PLCB1: variants seen among roughly 807,000 people sequenced by gnomAD.
PLCB1 encodes the protein 1-phosphatidylinositol 4,5-bisphosphate phosphodiesterase beta-1.
PLCB1 carries 46 observed loss-of-function variants against 161.8 expected under a neutral mutation model. That is an observed-to-expected ratio of 0.28 (90% confidence interval 0.22 to 0.36). PLCB1 has a LOEUF of 0.36. Among genes scored for constraint, PLCB1 ranks in the 10% least tolerant of loss-of-function variants. PLCB1 has a pLI of 1.00. For synonymous variants in PLCB1, 517 were observed against 503.7 expected, an observed-to-expected ratio of 1.03 and a Z score of -0.35; for missense variants, 1,016 against 1,472.5, an observed-to-expected ratio of 0.69 and a Z score of 5.07.
At chr20:8,705,159 T>C (rs927026564) in intron 11 of PLCB1, among the ~76,000 whole-genome samples, 1 of 151,830 alleles carries the variant, frequency 6.6e-6, no homozygotes, top group African/African-American at 2.4e-5. Flanking sequence ...CATGACCCAG[T>C]CAAGTTGACA....
At chr20:8,471,724 A>G (rs915530234) in intron 3 of PLCB1, among the ~76,000 whole-genome samples, 1 of 152,142 alleles carries the variant, frequency 6.6e-6, no homozygotes, top group Non-Finnish European at 1.5e-5. Flanking sequence ...TATTTCAAAG[A>G]GCTCTAAATT....
chr20:8,288,361 C>T (rs1983223752), intron 2 of PLCB1, among the ~76,000 whole-genome samples: 1 of 152,100 alleles, frequency 6.6e-6, no homozygotes, highest in Non-Finnish European at 1.5e-5. Context: ...TATTTTTTGT[C>T]AGACGGTCTA....
At chr20:8,416,465 G>GA (rs1228845378) in intron 3 of PLCB1, among the ~76,000 whole-genome samples, 1 of 152,124 alleles carries the variant, frequency 6.6e-6, no homozygotes, top group African/African-American at 2.4e-5. Context: ...AAATCAAAGA[G>GA]ATGTGTCACA....
chr20:8,242,020 A>G (rs1568602599), intron 2 of PLCB1, among the ~76,000 whole-genome samples: 1 of 151,906 alleles, frequency 6.6e-6, no homozygotes, highest in Non-Finnish European at 1.5e-5. Context: ...TGGAGGATAA[A>G]GGGCATTGGC....
At chr20:8,574,630 A>G (rs1006173940) in intron 3 of PLCB1, among the ~76,000 whole-genome samples, 2 of 152,186 alleles carry the variant, frequency 1.3e-5, no homozygotes, top group Non-Finnish European at 2.9e-5. Flanking sequence ...TCAATAAAGG[A>G]TATGTTATCA....
At chr20:8,141,515 C>G (rs6039047) in intron 1 of PLCB1, among the ~76,000 whole-genome samples, 1 of 150,872 alleles carries the variant, frequency 6.6e-6, no homozygotes, top group Non-Finnish European at 1.5e-5. Flanking sequence ...CCCGACCACT[C>G]GAGAGGCTGA....
At chr20:8,299,389 A>G (rs111667050) in intron 2 of PLCB1, among the ~76,000 whole-genome samples, 1 of 151,978 alleles carries the variant, frequency 6.6e-6, no homozygotes, top group South Asian at 2.1e-4. Context: ...ACAAGTAACC[A>G]TCTCACACAC....
intron 2 of PLCB1, among the ~76,000 whole-genome samples, chr20:8,238,223 A>G (rs544778342): frequency 6.6e-6 from 1 of 152,088 alleles, no homozygotes; most frequent in South Asian, 2.1e-4. Flanking sequence ...AGGTAAGATA[A>G]TTTGAGGAGC....
intron 2 of PLCB1, among the ~76,000 whole-genome samples, chr20:8,286,720 C>T (rs1435485673): frequency 7.9e-5 from 12 of 152,178 alleles, no homozygotes; most frequent in Non-Finnish European, 1.3e-4. Flanking sequence ...TCTTTCTAAG[C>T]GCTGTCCTTC....
rs146021757 is a variant in PLCB1 at position 8,260,945 on chromosome 20, C to T, written c.178-110437C>T. Among the ~76,000 whole-genome samples the T allele has an allele frequency of 1.8e-3, 271 of 152,208 alleles. 2 individuals are homozygous for T. Among genetic ancestry groups the T allele is most frequent in the African/African-American group, 6.0e-3 (251 of 41,552 alleles). On this transcript the variant is annotated intron_variant, in intron 2 of 31. Transcript: ENST00000338037. ...TGCCTTCCACCAATCTGGAGACTGC[C>T]CATGGTCAGCGACCGAAAAATGCAG...
At chr20:8,208,429 A>G (rs937695984) in intron 2 of PLCB1, among the ~76,000 whole-genome samples, 2 of 152,116 alleles carry the variant, frequency 1.3e-5, no homozygotes, top group African/African-American at 2.4e-5. Flanking sequence ...TCATTTTCCC[A>G]TACATCAATA....
chr20:8,301,548 C>T (rs1267716938), intron 2 of PLCB1, among the ~76,000 whole-genome samples: 3 of 152,108 alleles, frequency 2.0e-5, no homozygotes, highest in South Asian at 2.1e-4. Context: ...CACCATGACC[C>T]GCCATTCCAC....
intron 31 of PLCB1, among the ~76,000 whole-genome samples, chr20:8,835,798 A>G (rs997539292): frequency 4.0e-5 from 6 of 151,572 alleles, no homozygotes; most frequent in African/African-American, 1.4e-4. Context: ...AAAATGACTG[A>G]CAAGGCATCT....
intron 2 of PLCB1, among the ~76,000 whole-genome samples, chr20:8,204,903 T>A (rs185224049): frequency 6.6e-6 from 1 of 152,314 alleles, no homozygotes; most frequent in African/African-American, 2.4e-5. Flanking sequence ...TTCATCATTT[T>A]TTTTCCTTGC....
At chr20:8,430,588 T>A (rs536586707) in intron 3 of PLCB1, among the ~76,000 whole-genome samples, 27 of 152,320 alleles carry the variant, frequency 1.8e-4, no homozygotes, top group African/African-American at 4.3e-4. Context: ...GAAAGTTTCC[T>A]TCCAAAGAAT....
intron 2 of PLCB1, among the ~76,000 whole-genome samples, chr20:8,177,206 C>A (rs1375180695): frequency 6.6e-6 from 1 of 152,164 alleles, no homozygotes; most frequent in South Asian, 2.1e-4. Flanking sequence ...GAGAGCTCTG[C>A]CCTCATGAAT....
At chr20:8,410,326 C>A (rs1295444909) in intron 3 of PLCB1, among the ~76,000 whole-genome samples, 1 of 152,066 alleles carries the variant, frequency 6.6e-6, no homozygotes, top group East Asian at 1.9e-4. Context: ...TGCTTATATT[C>A]AATAGAGCAA....
At chr20:8,852,874 G>A (rs1986937234) in intron 31 of PLCB1, among the ~76,000 whole-genome samples, 1 of 152,218 alleles carries the variant, frequency 6.6e-6, no homozygotes, top group Admixed American at 6.5e-5. Context: ...GCTGGCTCCA[G>A]GTGTCATGAA....
At chr20:8,137,006 A>G (rs982619458) in intron 1 of PLCB1, among the ~76,000 whole-genome samples, 2 of 152,202 alleles carry the variant, frequency 1.3e-5, no homozygotes, top group Non-Finnish European at 2.9e-5. Flanking sequence ...CTAACATGGA[A>G]AAATAATTGC....
Sources: allele counts gnomAD v4.1 joint callset (sites outside exome capture counted in the v4.1 genomes callset), GRCh38; gene constraint gnomAD v4.1.1; transcripts MANE v1.5; gene names NCBI Gene and HGNC (gene_info 2026-07-23, HGNC 2026-07-21).